The following PADI3 variants were observed in gnomAD, a reference collection of about 807,000 sequenced individuals.
PADI3 encodes the protein protein-arginine deiminase type-3.
A neutral mutation model predicts 71.5 loss-of-function variants in PADI3; 53 were observed. The observed-to-expected ratio is 0.74, with a 90% CI of 0.59 to 0.93. The LOEUF is 0.93. Ranked by LOEUF, PADI3 falls within the 40% of genes least tolerant of loss-of-function variation. PADI3 has a pLI of 0.00. For missense variants in PADI3, 821 were observed against 868.0 expected, an observed-to-expected ratio of 0.95 and a Z score of 0.68; for synonymous variants, 361 against 347.5, an observed-to-expected ratio of 1.04 and a Z score of -0.43.
Position 17,280,388 on chromosome 1 carries a change from C to T in PADI3, c.1594C>T (p.Leu532Phe). 1.9e-6 allele frequency: 3 copies of T among 1,614,062 alleles called. No homozygotes were observed. The highest frequency in any genetic ancestry group is 2.5e-6 in the Non-Finnish European group (3 of 1,179,894). The change falls in exon 14 of 16, where the codon CTC becomes TTC. Residue 532 changes from leucine to phenylalanine, a missense_variant. Leu to Phe is a conservative substitution (Grantham distance 22). Coordinates refer to ENST00000375460, the MANE Select transcript of PADI3 (RefSeq NM_016233.2). Reference protein sequence around the residue: ...QVKTISINQVLSNKDLINYNK... With the variant: ...QVKTISINQVFSNKDLINYNK... ...CAAGACCATCTCCATCAACCAGGTGCTCTCCAATAAAGACCTCATCAACTA... is the reference window on the plus strand; with the variant it reads ...CAAGACCATCTCCATCAACCAGGTGTTCTCCAATAAAGACCTCATCAACTA...
At position 17,262,301 on chromosome 1, in the gene PADI3, C is replaced by T. The variant is rs141326999; in HGVS notation, c.346+96C>T. ...TACGTTGAAAATTAAACCTCCTTCC[C>T]TCCAACTCAAGACTTCTAGTTCCCC... is the stretch of plus-strand genomic sequence containing the variant. On this transcript the variant is annotated intron_variant, in intron 3 of 15. Coordinates refer to ENST00000375460, the MANE Select transcript of PADI3 (RefSeq NM_016233.2). 1,139 of 878,510 alleles carry T rather than the reference C, an allele frequency of 1.3e-3. 12 individuals carry two copies. The African/African-American group carries it at 0.018, about 14-fold the overall frequency. 54.4% of individuals were successfully genotyped at this position (878,510 alleles called of 1,614,324 possible). A position where few individuals can be genotyped will look rare whatever the true frequency, so the allele number is the denominator to read the frequency against.
chr1:17,271,240 T>TAA, intron 9 of PADI3, 62 bp downstream of exon 9: 1 of 1,388,484 alleles, frequency 7.2e-7, no homozygotes, highest in Non-Finnish European at 1.0e-6. Context: ...AGGCCTTCAT[T>TAA]TGGGGGCCAC....
At chr1:17,280,113 C>A (rs1471238273) in intron 13 of PADI3, among the ~76,000 whole-genome samples, 1 of 152,216 alleles carries the variant, frequency 6.6e-6, no homozygotes, top group Non-Finnish European at 1.5e-5. Flanking sequence ...AAATAAAGGT[C>A]TCAGTTCATT....
At chr1:17,261,988 AG>A in intron 2 of PADI3, 144 bp from the exon 3 acceptor site, 1 of 669,482 alleles carries the variant, frequency 1.5e-6, no homozygotes, top group Non-Finnish European at 2.6e-6. Context: ...ACCAAGACAC[AG>A]AAAAATAAAT....
chr1:17,265,032 T>G (rs2073149892), intron 3 of PADI3, among the ~76,000 whole-genome samples: 1 of 147,344 alleles, frequency 6.8e-6, no homozygotes, highest in Non-Finnish European at 1.5e-5. Flanking sequence ...AAATCCTATC[T>G]AATGTATTCT....
intron 4 of PADI3, among the ~76,000 whole-genome samples, chr1:17,266,305 G>T (rs959195554): frequency 6.6e-6 from 1 of 152,178 alleles, no homozygotes; most frequent in Non-Finnish European, 1.5e-5. Flanking sequence ...AGGTGGGCTG[G>T]GTGGGTGAGG....
At position 17,282,957 on chromosome 1, in the gene PADI3, G is replaced by A; in HGVS notation, c.1873G>A (p.Gly625Ser). The stretch of plus-strand genomic sequence containing the variant: ...GGTGCGGTCCCTGCTGGAGCCGCTG[G>A]GCCTCCACTGCACCTTCATTGATGA... Reference protein sequence around the residue: ...EKVRSLLEPLGLHCTFIDDFT... With the variant: ...EKVRSLLEPLSLHCTFIDDFT... The change falls in exon 16 of 16, where the codon GGC becomes AGC. Residue 625 changes from glycine (G) to serine (S), a missense_variant. Transcript: ENST00000375460. 6.2e-7 allele frequency: 1 copy of A among 1,614,144 alleles called. No homozygotes were observed. Among genetic ancestry groups the A allele is most frequent in the Non-Finnish European group, 8.5e-7 (1 of 1,179,988 alleles).
chr1:17,274,743 G>A lies in PADI3; in HGVS notation c.1264G>A (p.Glu422Lys). 1 of 1,614,082 alleles carries A rather than the reference G, an allele frequency of 6.2e-7. No individual in the cohort carries two copies. Among genetic ancestry groups the A allele is most frequent in the Non-Finnish European group, 8.5e-7 (1 of 1,179,962 alleles). ...CCCTCCAGTGGTGGCCAATGGGAAA[G>A]AGTACCCCCTGGGGAGGATCCTCAT... ...VSPPVVANGKEYPLGRILIGG... is the reference protein window; with the variant it reads ...VSPPVVANGKKYPLGRILIGG... The change falls in exon 11 of 16, where the codon GAG (glutamate) becomes AAG (lysine). Residue 422 changes from glutamate (E) to lysine (K), a missense_variant. Glu to Lys is a moderately conservative substitution (Grantham distance 56). Transcript: ENST00000375460.
At chr1:17,264,758 C>A (rs1246573708) in intron 3 of PADI3, among the ~76,000 whole-genome samples, 1 of 152,114 alleles carries the variant, frequency 6.6e-6, no homozygotes, top group Non-Finnish European at 1.5e-5. Flanking sequence ...TGCTTGTAAT[C>A]CCAGCACTTT....
At chr1:17,260,401 T>C (rs1262546926) in intron 2 of PADI3, among the ~76,000 whole-genome samples, 2 of 151,644 alleles carry the variant, frequency 1.3e-5, no homozygotes, top group Admixed American at 1.3e-4. Context: ...AGTGTGGGAG[T>C]AGTGGGATCC....
intron 10 of PADI3, among the ~76,000 whole-genome samples, chr1:17,273,691 C>T (rs886855760): frequency 1.2e-4 from 18 of 152,124 alleles, no homozygotes; most frequent in Non-Finnish European, 1.8e-4. Flanking sequence ...AAAAAGTTGT[C>T]GTTTATCTAA....
chr1:17,262,349 T>C (rs2073113406), intron 3 of PADI3, 144 bp downstream of exon 3: 2 of 607,616 alleles, frequency 3.3e-6, no homozygotes, highest in Non-Finnish European at 2.8e-6. Context: ...TTTCTAGAGA[T>C]ACGCTGTGCT....
At chr1:17,272,191 T>TACAG (rs1317173129) in intron 9 of PADI3, among the ~76,000 whole-genome samples, 1 of 152,182 alleles carries the variant, frequency 6.6e-6, no homozygotes, top group African/African-American at 2.4e-5. Flanking sequence ...CACCAGGCTG[T>TACAG]ACAGGTTGGT....
At chr1:17,259,804 G>C (rs2073081301) in intron 2 of PADI3, 46 bp downstream of exon 2, 2 of 1,520,886 alleles carry the variant, frequency 1.3e-6, no homozygotes, top group Non-Finnish European at 1.8e-6. Flanking sequence ...GAGGGAGGCA[G>C]CTGTCTAGCT....
intron 4 of PADI3, 49 bp from the exon 5 acceptor site, chr1:17,266,670 A>G: frequency 6.7e-7 from 1 of 1,492,074 alleles, no homozygotes; most frequent in Non-Finnish European, 9.4e-7. Flanking sequence ...GTAGGGAGGC[A>G]CAGGTCTCAT....
Position 17,273,411 on chromosome 1 carries a change from T to A in PADI3, c.1119T>A (p.Asn373Lys), listed in dbSNP as rs770402727. The A allele has an allele frequency of 6.2e-7, 1 of 1,613,682 alleles. No homozygotes were observed. Among genetic ancestry groups the A allele is most frequent in the Non-Finnish European group, 8.5e-7 (1 of 1,179,778 alleles). Residue 373 changes from asparagine to lysine, a missense_variant, in exon 10 of 16, where the codon AAT (asparagine) becomes AAA (lysine). Coordinates refer to ENST00000375460, the MANE Select transcript of PADI3 (RefSeq NM_016233.2). The stretch of plus-strand genomic sequence containing the variant: ...CGGTGGTCTTTGACTCCCCAAGGAA[T>A]GGGGAACTGCAGGATTTCCCTTACA... ...TLPVVFDSPR[N>K]GELQDFPYKR... is the part of the protein sequence containing the mutation.
chr1:17,272,578 T>A (rs1411651956), intron 9 of PADI3, among the ~76,000 whole-genome samples: 1 of 152,164 alleles, frequency 6.6e-6, no homozygotes, highest in African/African-American at 2.4e-5. Context: ...TGATCACAGC[T>A]CACTGGCAGC....
intron 1 of PADI3, 144 bp downstream of exon 1, chr1:17,249,373 C>T (rs1019317857): frequency 1.5e-6 from 1 of 684,288 alleles, no homozygotes; most frequent in Non-Finnish European, 2.6e-6. Flanking sequence ...AGCTTGGGTC[C>T]TCCTCTTGCT....
chr1:17,255,117 G>A (rs1431108853), intron 1 of PADI3, among the ~76,000 whole-genome samples: 1 of 152,212 alleles, frequency 6.6e-6, no homozygotes, highest in Non-Finnish European at 1.5e-5. Context: ...GGCCCCACCT[G>A]GAGCACTTCT....
Sources: allele counts gnomAD v4.1 joint callset (sites outside exome capture counted in the v4.1 genomes callset), GRCh38; gene constraint gnomAD v4.1.1; transcripts MANE v1.5; gene names NCBI Gene and HGNC (gene_info 2026-07-23, HGNC 2026-07-21).